Variants in ADIPOR2 observed in about 807,000 individuals in gnomAD.
The protein encoded by ADIPOR2 is adiponectin receptor protein 2.
ADIPOR2 carries 18 observed loss-of-function variants against 40.9 expected under a neutral mutation model. The ratio of observed to expected loss-of-function variants is 0.44; its 90% CI spans 0.30 to 0.65. The LOEUF is 0.65. ADIPOR2 is among the 30% of genes least tolerant of loss of function. The pLI is 0.09. For missense variants in ADIPOR2, 283 were observed against 479.2 expected (o/e 0.59, Z 3.82); for synonymous variants, 165 against 166.4 (o/e 0.99, Z 0.06).
intron 1 of ADIPOR2, among the ~76,000 whole-genome samples, chr12:1,744,943 T>C (rs956852025): frequency 6.6e-6 from 1 of 152,230 alleles, no homozygotes; most frequent in African/African-American, 2.4e-5. Context: ...GTGCAGTCTT[T>C]TTTTTGCATT....
At position 1,740,034 on chromosome 12, in the gene ADIPOR2, AGAGGTTGCAGTGAACT is replaced by A. The variant is rs1192503093; in HGVS notation, c.-86-14220_-86-14205del. ...GGAGAATTGCTTGAACCCGGGAGGCAGAGGTTGCAGTGAACTGAGATTGCATCGTTGTACTCCAGCC... is the reference window on the plus strand; with the variant it reads ...GGAGAATTGCTTGAACCCGGGAGGCAGAGATTGCATCGTTGTACTCCAGCC... On this transcript the variant is annotated intron_variant, in intron 1 of 7. Transcript: ENST00000357103. 2.0e-5 allele frequency among the ~76,000 whole-genome samples: 3 copies of A among 152,122 alleles called. No individual in the cohort carries two copies. The East Asian group carries it at 5.8e-4, about 29-fold the overall frequency.
intron 2 of ADIPOR2, among the ~76,000 whole-genome samples, chr12:1,767,269 C>CAAAAAAAAAAAAAAAAAAAAAAAAA (rs61401998): frequency 1.1e-5 from 1 of 87,468 alleles, no homozygotes. Flanking sequence ...AAGACTTCGT[C>CAAAAAAAAAAAAAAAAAAAAAAAAA]AAAAAAAAAA....
intron 1 of ADIPOR2, among the ~76,000 whole-genome samples, chr12:1,743,827 A>G (rs2094748970): frequency 6.6e-6 from 1 of 152,174 alleles, no homozygotes; most frequent in South Asian, 2.1e-4. Context: ...AGGCTTTTCT[A>G]TGTTATATAC....
intron 3 of ADIPOR2, among the ~76,000 whole-genome samples, chr12:1,775,656 T>C (rs1427137932): frequency 6.6e-6 from 1 of 152,224 alleles, no homozygotes; most frequent in Non-Finnish European, 1.5e-5. Flanking sequence ...TTCCTCTCCC[T>C]CTCAGAAAAT....
chr12:1,782,759 G>A (rs553980260), intron 6 of ADIPOR2, among the ~76,000 whole-genome samples: 1 of 152,190 alleles, frequency 6.6e-6, no homozygotes, highest in South Asian at 2.1e-4. Context: ...TCTGGAGGCA[G>A]TAAGGCAGTA....
At chr12:1,755,140 T>A (rs1315096496) in intron 2 of ADIPOR2, among the ~76,000 whole-genome samples, 9,435 of 104,292 alleles carry the variant, frequency 0.09, 1,683 homozygotes, top group Non-Finnish European at 0.15. Context: ...AGTGCAGTGG[T>A]GCGATCTCAG....
At chr12:1,709,573 C>T (rs541841444) in intron 1 of ADIPOR2, among the ~76,000 whole-genome samples, 1 of 152,152 alleles carries the variant, frequency 6.6e-6, no homozygotes, top group South Asian at 2.1e-4. Flanking sequence ...ATGACTGTGG[C>T]TTATTTTAAT....
At chr12:1,698,726 C>A (rs1326705636) in intron 1 of ADIPOR2, among the ~76,000 whole-genome samples, 2 of 152,018 alleles carry the variant, frequency 1.3e-5, no homozygotes, top group Non-Finnish European at 2.9e-5. Context: ...GCTAATTCCC[C>A]TTTAGTAATT....
At chr12:1,742,247 C>G (rs530246212) in intron 1 of ADIPOR2, among the ~76,000 whole-genome samples, 3 of 152,282 alleles carry the variant, frequency 2.0e-5, no homozygotes, top group Admixed American at 6.5e-5. Flanking sequence ...TGCACACCAC[C>G]ACGCCTGGCT....
At chr12:1,768,825 C>T (rs554170494) in intron 2 of ADIPOR2, among the ~76,000 whole-genome samples, 11 of 151,874 alleles carry the variant, frequency 7.2e-5, no homozygotes, top group East Asian at 1.9e-4. Context: ...AAACAGATGG[C>T]GGGAGGGGGG....
chr12:1,759,657 G>A (rs192264953), intron 2 of ADIPOR2, among the ~76,000 whole-genome samples: 5 of 152,192 alleles, frequency 3.3e-5, no homozygotes, highest in South Asian at 2.1e-4. Context: ...TTTATTCCAG[G>A]CCTGCTGAAT....
At chr12:1,729,617 G>GTTTTTTTTTTTTTTTTTTT (rs56921758) in intron 1 of ADIPOR2, among the ~76,000 whole-genome samples, 4 of 88,994 alleles carry the variant, frequency 4.5e-5, no homozygotes, top group Admixed American at 1.0e-4. Flanking sequence ...TCAGCCAGTT[G>GTTTTTTTTTTTTTTTTTTT]TTTTTTTTTT....
At chr12:1,712,019 G>C (rs913068773) in intron 1 of ADIPOR2, among the ~76,000 whole-genome samples, 2 of 152,078 alleles carry the variant, frequency 1.3e-5, no homozygotes, top group Non-Finnish European at 2.9e-5. Flanking sequence ...CACTAGTTCT[G>C]CTATCTGGCC....
chr12:1,773,822 T>C (rs2154444211), intron 3 of ADIPOR2, among the ~76,000 whole-genome samples: 1 of 152,314 alleles, frequency 6.6e-6, no homozygotes, highest in Admixed American at 6.5e-5. Flanking sequence ...GGAGACTAAA[T>C]ATAGGTTTTC....
At chr12:1,762,132 G>A (rs964708876) in intron 2 of ADIPOR2, among the ~76,000 whole-genome samples, 4 of 152,194 alleles carry the variant, frequency 2.6e-5, no homozygotes, top group African/African-American at 9.7e-5. Flanking sequence ...TCTGCCTGGA[G>A]TGTTGTTACA....
At chr12:1,717,312 A>G (rs1236128273) in intron 1 of ADIPOR2, among the ~76,000 whole-genome samples, 1 of 152,236 alleles carries the variant, frequency 6.6e-6, no homozygotes, top group African/African-American at 2.4e-5. Context: ...TATTAAGAGA[A>G]GTATTGCCTT....
chr12:1,704,299 A>G (rs1247335962), intron 1 of ADIPOR2, among the ~76,000 whole-genome samples: 1 of 152,102 alleles, frequency 6.6e-6, no homozygotes, highest in Non-Finnish European at 1.5e-5. Context: ...TTGGTGGATG[A>G]CTTGATCCAG....
intron 4 of ADIPOR2, chr12:1,778,259 T>C: frequency 2.4e-6 from 1 of 408,248 alleles, no homozygotes; most frequent in Non-Finnish European, 4.2e-6. Flanking sequence ...GATCTTGTCC[T>C]CAAACCAGGC....
chr12:1,732,599 T>G (rs938655426), intron 1 of ADIPOR2, among the ~76,000 whole-genome samples: 1 of 152,252 alleles, frequency 6.6e-6, no homozygotes, highest in East Asian at 1.9e-4. Context: ...TTGGCAGTTA[T>G]GAATAAAGCT....
Sources: allele counts gnomAD v4.1 joint callset (sites outside exome capture counted in the v4.1 genomes callset), GRCh38; gene constraint gnomAD v4.1.1; transcripts MANE v1.5; gene names NCBI Gene and HGNC (gene_info 2026-07-23, HGNC 2026-07-21).